CDH12: variants seen among roughly 807,000 people sequenced by gnomAD.
CDH12 encodes cadherin-12.
Under a neutral mutation model 74.1 loss-of-function variants are expected in CDH12, and 41 were observed. That is an observed-to-expected ratio of 0.55 (90% CI 0.43 to 0.72). The LOEUF is 0.72. Among genes scored for constraint, CDH12 ranks in the 30% least tolerant of loss-of-function variants. The pLI is 0.00. For synonymous variants in CDH12, 399 were observed against 355.0 expected, an observed-to-expected ratio of 1.12 and a Z score of -1.39; for missense variants, 945 against 977.2, an observed-to-expected ratio of 0.97 and a Z score of 0.44.
chr5:21,864,895 T>C (rs1231297478), intron 6 of CDH12, among the ~76,000 whole-genome samples: 2 of 152,332 alleles, frequency 1.3e-5, no homozygotes, highest in African/African-American at 4.8e-5. Context: ...GTTGTTCTTA[T>C]GCAGTCTGAG....
At position 22,078,641 on chromosome 5, in the gene CDH12, C is replaced by A. The variant is rs748131991; in HGVS notation, c.36G>T (p.Trp12Cys). Reference sequence around the variant, plus strand: ...TTAGGAGACCTCCATCAAACAGAACCCAGAGAAGCAGGGATAAACAGTTCC... The same window carrying A: ...TTAGGAGACCTCCATCAAACAGAACACAGAGAAGCAGGGATAAACAGTTCC... ...LTRNCLSLLL[W>C]VLFDGGLLTP... is the part of the protein sequence containing the mutation. Residue 12 changes from tryptophan (W) to cysteine (C), a missense_variant, in exon 5 of 15, where the codon TGG becomes TGT. Coordinates refer to ENST00000382254, the MANE Select transcript of CDH12 (RefSeq NM_004061.5). The A allele has an allele frequency of 6.2e-7, 1 of 1,613,732 alleles. No homozygotes were observed. Among genetic ancestry groups the A allele is most frequent in the South Asian group, 1.1e-5 (1 of 91,062 alleles).
At chr5:21,775,778 G>A (rs1236113555) in intron 11 of CDH12, among the ~76,000 whole-genome samples, 2 of 151,822 alleles carry the variant, frequency 1.3e-5, no homozygotes, top group Non-Finnish European at 2.9e-5. Flanking sequence ...TCTGAATTTT[G>A]ATTTTATATT....
At chr5:22,786,870 C>T (rs1747653150) in intron 1 of CDH12, among the ~76,000 whole-genome samples, 2 of 152,048 alleles carry the variant, frequency 1.3e-5, no homozygotes, top group South Asian at 4.2e-4. Context: ...AGATGCATGC[C>T]ACCACATCTG....
intron 4 of CDH12, among the ~76,000 whole-genome samples, chr5:22,167,760 T>C (rs1748768997): frequency 6.6e-6 from 1 of 152,194 alleles, no homozygotes; most frequent in Non-Finnish European, 1.5e-5. Flanking sequence ...TACGATGTAC[T>C]ATGTCTGTGA....
intron 5 of CDH12, among the ~76,000 whole-genome samples, chr5:22,006,986 C>T (rs1452241027): frequency 6.6e-6 from 1 of 151,396 alleles, no homozygotes; most frequent in African/African-American, 2.4e-5. Flanking sequence ...ATTCATAGGC[C>T]AATATTAAAG....
At chr5:22,162,283 C>T (rs1388323775) in intron 4 of CDH12, among the ~76,000 whole-genome samples, 10 of 152,166 alleles carry the variant, frequency 6.6e-5, no homozygotes, top group Non-Finnish European at 1.3e-4. Flanking sequence ...CCACCCGTTT[C>T]TCTCTCTTTG....
At chr5:22,244,740 A>AAAAGAAAGAAAAGAAAGAAAG (rs1752874334) in intron 3 of CDH12, among the ~76,000 whole-genome samples, 1 of 92,570 alleles carries the variant, frequency 1.1e-5, no homozygotes, top group African/African-American at 3.4e-5. Context: ...AGAAAGAAAG[A>AAAAGAAAGAAAAGAAAGAAAG]AAAGAAAGAA....
At chr5:22,693,602 C>G (rs1742198521) in intron 1 of CDH12, among the ~76,000 whole-genome samples, 1 of 151,012 alleles carries the variant, frequency 6.6e-6, no homozygotes. Context: ...ACTCATAAAC[C>G]CAGTATCCAG....
At chr5:22,358,705 T>C (rs186960162) in intron 3 of CDH12, among the ~76,000 whole-genome samples, 108 of 152,310 alleles carry the variant, frequency 7.1e-4, no homozygotes, top group African/African-American at 2.0e-3. Flanking sequence ...AAAGTTCATG[T>C]AGAGCTTAAC....
At chr5:22,056,977 A>G (rs910482710) in intron 5 of CDH12, among the ~76,000 whole-genome samples, 5 of 152,112 alleles carry the variant, frequency 3.3e-5, no homozygotes, top group African/African-American at 1.2e-4. Context: ...TTTCAGACAC[A>G]AGATGGAGTG....
intron 3 of CDH12, among the ~76,000 whole-genome samples, chr5:22,314,941 CTTTTTTTT>C (rs759734847): frequency 7.4e-5 from 5 of 67,764 alleles, no homozygotes; most frequent in East Asian, 9.0e-4. Flanking sequence ...CTGGGTTGGT[CTTTTTTTT>C]TTTTTTTTTT....
At chr5:22,829,887 A>T (rs1016371304) in intron 1 of CDH12, among the ~76,000 whole-genome samples, 3 of 152,194 alleles carry the variant, frequency 2.0e-5, no homozygotes, top group African/African-American at 7.2e-5. Context: ...TGATACAGCA[A>T]TATTATGACA....
intron 3 of CDH12, among the ~76,000 whole-genome samples, chr5:22,383,070 G>A (rs568446277): frequency 7.1e-6 from 1 of 141,690 alleles, no homozygotes; most frequent in African/African-American, 2.5e-5. Context: ...GACCTCAGGT[G>A]ATCCACCCTC....
chr5:22,178,968 G>T (rs1053560301), intron 4 of CDH12, among the ~76,000 whole-genome samples: 3 of 152,232 alleles, frequency 2.0e-5, no homozygotes, highest in African/African-American at 7.2e-5. Flanking sequence ...GTGAGGTGAG[G>T]ACTCAAGTGG....
At chr5:22,588,513 G>A (rs1007456222) in intron 1 of CDH12, among the ~76,000 whole-genome samples, 1 of 152,096 alleles carries the variant, frequency 6.6e-6, no homozygotes, top group Non-Finnish European at 1.5e-5. Context: ...ACTGGTTTGG[G>A]ATTAATTTGC....
intron 1 of CDH12, among the ~76,000 whole-genome samples, chr5:22,657,605 C>T (rs1237921802): frequency 6.6e-6 from 1 of 152,098 alleles, no homozygotes; most frequent in Non-Finnish European, 1.5e-5. Context: ...AGCTAGTCCA[C>T]ATTTTTAGAA....
chr5:22,374,747 C>A (rs1398206789), intron 3 of CDH12, among the ~76,000 whole-genome samples: 1 of 151,188 alleles, frequency 6.6e-6, no homozygotes, highest in Non-Finnish European at 1.5e-5. Context: ...ATAAATTTAA[C>A]AAAGGGAGTG....
chr5:21,961,941 T>G (rs1180698165), intron 6 of CDH12, among the ~76,000 whole-genome samples: 1 of 152,206 alleles, frequency 6.6e-6, no homozygotes, highest in Non-Finnish European at 1.5e-5. Context: ...ATTTGCCTAC[T>G]ATTTTCTTAT....
intron 4 of CDH12, among the ~76,000 whole-genome samples, chr5:22,100,878 A>G (rs1241062691): frequency 6.6e-6 from 1 of 152,100 alleles, no homozygotes; most frequent in Non-Finnish European, 1.5e-5. Flanking sequence ...ACTTATTAAA[A>G]TGTTTTATTT....
Sources: allele counts gnomAD v4.1 joint callset (sites outside exome capture counted in the v4.1 genomes callset), GRCh38; gene constraint gnomAD v4.1.1; transcripts MANE v1.5; gene names NCBI Gene and HGNC (gene_info 2026-07-23, HGNC 2026-07-21).